Variants in ZNF540 observed in about 807,000 individuals in gnomAD.
ZNF540 encodes the protein CTD-3064H18.6.
Under a neutral mutation model 11.8 loss-of-function variants are expected in ZNF540, and 3 were observed. That is an observed-to-expected ratio of 0.25 (90% CI 0.12 to 0.65). The LOEUF is 0.65. Ranked by LOEUF, ZNF540 falls within the 30% of genes least tolerant of loss-of-function variation. ZNF540 has a pLI of 0.83. For synonymous variants in ZNF540, 247 were observed against 259.0 expected, an observed-to-expected ratio of 0.95 and a Z score of 0.45; for missense variants, 709 against 793.1, an observed-to-expected ratio of 0.89 and a Z score of 1.27.
chr19:37,564,758 G>A, intron 1 of ZNF540: 1 of 1,613,588 alleles, frequency 6.2e-7, no homozygotes, highest in Non-Finnish European at 8.5e-7. Flanking sequence ...ACATTCATAG[G>A]GTTTCTCTCC....
At chr19:37,554,960 G>A (rs1234449325) in intron 1 of ZNF540, 2 of 152,182 alleles carry the variant, frequency 1.3e-5, no homozygotes, top group African/African-American at 4.8e-5. Flanking sequence ...AGGATAAATG[G>A]TTACAGGAAA....
chr19:37,575,186 C>G (rs950270110), intron 1 of ZNF540, among the ~76,000 whole-genome samples: 4 of 152,166 alleles, frequency 2.6e-5, no homozygotes, highest in African/African-American at 7.2e-5. Context: ...TATGTCAGTA[C>G]TGAGAAAATA....
chr19:37,568,464 C>G (rs1218964022), intron 1 of ZNF540, among the ~76,000 whole-genome samples: 3 of 152,000 alleles, frequency 2.0e-5, no homozygotes, highest in African/African-American at 7.3e-5. Context: ...AATCAATGGG[C>G]TTATGGTGAT....
intron 1 of ZNF540, chr19:37,565,643 T>C (rs760281238): frequency 1.2e-6 from 2 of 1,613,112 alleles, no homozygotes; most frequent in Non-Finnish European, 1.7e-6. Context: ...TTGTGAACAA[T>C]AACTAAAGGC....
At chr19:37,594,711 G>C (rs1221898127), upstream of ZNF540, 1 of 152,304 alleles carries the variant, frequency 6.6e-6, no homozygotes, top group South Asian at 2.1e-4. Flanking sequence ...CAAAAGCTGC[G>C]AGCGGTTCCC....
intron 4 of ZNF540, among the ~76,000 whole-genome samples, chr19:37,610,424 C>T (rs542009983): frequency 2.0e-5 from 3 of 152,200 alleles, no homozygotes; most frequent in East Asian, 1.9e-4. Flanking sequence ...AGTGGATATG[C>T]GTTTGAAAAT....
At chr19:37,591,686 AG>A (rs2043872425), upstream of ZNF540, among the ~76,000 whole-genome samples, 1 of 152,174 alleles carries the variant, frequency 6.6e-6, no homozygotes, top group African/African-American at 2.4e-5. Flanking sequence ...CTGGGATTAC[AG>A]GAATGTGCCA....
At chr19:37,564,975 G>GT in intron 1 of ZNF540, 1 of 1,613,430 alleles carries the variant, frequency 6.2e-7, no homozygotes, top group Non-Finnish European at 8.5e-7. Flanking sequence ...TGTGTAGCAC[G>GT]TACAAAGGTC....
At chr19:37,607,903 TATA>T (rs2044097076) in intron 4 of ZNF540, among the ~76,000 whole-genome samples, 1 of 152,234 alleles carries the variant, frequency 6.6e-6, no homozygotes, top group African/African-American at 2.4e-5. Flanking sequence ...CCAAAGTGGC[TATA>T]ATATTTTTGC....
chr19:37,613,674 TCAA>T lies in ZNF540; in HGVS notation c.*414_*416del, dbSNP rs2044150643. 1 of 397,196 alleles carries T rather than the reference TCAA, an allele frequency of 2.5e-6. No homozygotes were observed. The highest frequency in any genetic ancestry group is 4.4e-6 in the Non-Finnish European group (1 of 225,798). 24.6% of individuals were successfully genotyped at this position (397,196 alleles called of 1,614,324 possible). The stretch of plus-strand genomic sequence containing the variant: ...TTGGATATTACTGTTTTTATTATCA[TCAA>T]CATTATTATTAGTGGATTTCTTAAT... On this transcript the variant is annotated 3_prime_UTR_variant, in exon 5 of 5. Transcript: ENST00000316433.
chr19:37,564,424 G>GT (rs2042774853), intron 1 of ZNF540: 1 of 471,210 alleles, frequency 2.1e-6, no homozygotes, highest in Non-Finnish European at 3.6e-6. Context: ...ATATTCTAGC[G>GT]TTTATAGAGA....
Position 37,565,665 on chromosome 19 carries a change from T to C in ZNF540, c.-73+14000T>C. ...CAATAACTAAAGGCTTTTCCACATT[T>C]CTTACATTCATATGGTTTCTCTCCT... On this transcript the variant is annotated intron_variant, in intron 1 of 4. Transcript: ENST00000592533. 1.9e-6 allele frequency: 3 copies of C among 1,613,282 alleles called. 1 individual carries two copies. Among genetic ancestry groups the C allele is most frequent in the South Asian group, 2.2e-5 (2 of 91,000 alleles).
intron 1 of ZNF540, among the ~76,000 whole-genome samples, chr19:37,559,718 T>C (rs1374930248): frequency 6.6e-6 from 1 of 152,162 alleles, no homozygotes; most frequent in Non-Finnish European, 1.5e-5. Flanking sequence ...CAGTGAAAAC[T>C]TATTGGGAGA....
intron 1 of ZNF540, chr19:37,565,129 T>A: frequency 1.9e-6 from 3 of 1,613,072 alleles, no homozygotes; most frequent in Non-Finnish European, 2.5e-6. Flanking sequence ...GTTCACTAAG[T>A]TGTTTGCCAC....
At position 37,613,004 on chromosome 19, in the gene ZNF540, G is replaced by A. The variant is rs776314710; in HGVS notation, c.1724G>A (p.Gly575Asp). ...QFTEHQKIHT[G>D]VKPYKCKECG... ...ACTGAACATCAGAAAATTCATACGGGTGTAAAACCATACAAATGTAAAGAA... is the reference window on the plus strand; with the variant it reads ...ACTGAACATCAGAAAATTCATACGGATGTAAAACCATACAAATGTAAAGAA... The change falls in exon 5 of 5, where the codon GGT (glycine) becomes GAT (aspartate). Residue 575 changes from glycine to aspartate, a missense_variant. Physicochemically the swap from Gly to Asp is moderately conservative, Grantham distance 94. Coordinates refer to ENST00000316433, the MANE Select transcript of ZNF540 (RefSeq NM_001172225.3). 1 of 1,614,146 alleles carries A rather than the reference G, an allele frequency of 6.2e-7. No homozygotes were observed. The highest frequency in any genetic ancestry group is 8.5e-7 in the Non-Finnish European group (1 of 1,180,014).
rs780485473 is a variant in ZNF540, at chr19:37,612,960, T to C, written c.1680T>C (p.Phe560=). 4.3e-6 allele frequency: 7 copies of C among 1,614,212 alleles called. No individual in the cohort carries two copies. In the South Asian group the frequency reaches 7.7e-5, roughly 18 times the overall value. ...PYDCKECGKS[F]SRRGQFTEHQ... The stretch of plus-strand genomic sequence containing the variant: ...ACTGTAAAGAATGTGGGAAGTCCTT[T>C]AGTCGGCGTGGGCAGTTCACTGAAC... Residue 560 remains phenylalanine, a synonymous_variant, in exon 5 of 5, where the codon TTT becomes TTC. Coordinates refer to ENST00000316433, the MANE Select transcript of ZNF540 (RefSeq NM_001172225.3).
chr19:37,559,171 A>C (rs1288542133), intron 1 of ZNF540, among the ~76,000 whole-genome samples: 2 of 152,242 alleles, frequency 1.3e-5, no homozygotes, highest in African/African-American at 2.4e-5. Flanking sequence ...GATCACAGTC[A>C]TACAAACCAA....
At chr19:37,577,734 T>C (rs1295964093) in intron 1 of ZNF540, among the ~76,000 whole-genome samples, 1 of 152,196 alleles carries the variant, frequency 6.6e-6, no homozygotes. Context: ...TACTCAAATT[T>C]TAATCAATGT....
intron 1 of ZNF540, among the ~76,000 whole-genome samples, chr19:37,558,384 T>G (rs1306703127): frequency 6.6e-6 from 1 of 152,290 alleles, no homozygotes; most frequent in African/African-American, 2.4e-5. Context: ...ATTAAGAGCA[T>G]GGCTATTTTC....
Sources: allele counts gnomAD v4.1 joint callset (sites outside exome capture counted in the v4.1 genomes callset), GRCh38; gene constraint gnomAD v4.1.1; transcripts MANE v1.5; gene names NCBI Gene and HGNC (gene_info 2026-07-23, HGNC 2026-07-21).